PIK3R5: variants seen among roughly 807,000 people sequenced by gnomAD.
PIK3R5 encodes phosphoinositide-3-kinase regulatory subunit 5.
A neutral mutation model predicts 94.9 loss-of-function variants in PIK3R5; 32 were observed. The ratio of observed to expected loss-of-function variants is 0.34; its 90% CI spans 0.25 to 0.45. The LOEUF (loss-of-function observed/expected upper bound fraction) is 0.45. Among genes scored for constraint, PIK3R5 ranks in the 20% least tolerant of loss-of-function variants. The pLI is 1.00. For synonymous variants in PIK3R5, 443 were observed against 479.4 expected (o/e 0.92, Z 0.99); for missense variants, 853 against 1,144.6 (o/e 0.75, Z 3.68).
rs895564154 is a variant in PIK3R5, at chr17:8,904,015, C to T, written c.412+762G>A. On this transcript the variant is annotated intron_variant, in intron 5 of 18. Transcript: ENST00000447110. The surrounding 1 kb of genome is among the most constrained non-coding windows in gnomAD (Gnocchi z 5.1). The stretch of plus-strand genomic sequence containing the variant: ...TTGGGCTGTTGCCATATTAAAAGCA[C>T]TTCTAGAGTAATCGTTTCCATATAT... Among the ~76,000 whole-genome samples, 2 of 152,200 alleles carry T rather than the reference C, an allele frequency of 1.3e-5. No individual in the cohort carries two copies. Among genetic ancestry groups the T allele is most frequent in the Non-Finnish European group, 2.9e-5 (2 of 68,052 alleles).
At chr17:8,959,968 C>T (rs1410972867) in intron 1 of PIK3R5, among the ~76,000 whole-genome samples, 9 of 152,152 alleles carry the variant, frequency 5.9e-5, no homozygotes, top group East Asian at 3.8e-4. Flanking sequence ...GAGCGGGACA[C>T]GCTATCTGGT....
At chr17:8,934,773 T>C (rs796802987) in intron 1 of PIK3R5, among the ~76,000 whole-genome samples, 65 of 146,366 alleles carry the variant, frequency 4.4e-4, no homozygotes, top group African/African-American at 1.4e-3. Context: ...ATAGTATACA[T>C]GTTGTTCTAT....
Position 8,888,391 on chromosome 17 carries a change from G to C in PIK3R5, c.1396C>G (p.Pro466Ala). 6.3e-7 allele frequency: 1 copy of C among 1,598,078 alleles called. No homozygotes were observed. Among genetic ancestry groups the C allele is most frequent in the Non-Finnish European group, 8.5e-7 (1 of 1,174,726 alleles). The change falls in exon 10 of 19, where the codon CCA becomes GCA. Residue 466 changes from proline to alanine, a missense_variant. Pro to Ala is a conservative substitution (Grantham distance 27, BLOSUM62 -1). This residue lies in a region of PIK3R5 where 319 missense variants were observed against 339.8 expected (regional missense o/e 0.94). Coordinates refer to ENST00000447110, the MANE Select transcript of PIK3R5 (RefSeq NM_001142633.3). This position sits in a 1 kb window ranked among gnomAD's most constrained non-coding sequence, Gnocchi z 7.8. ...TGGGCCCGGGAAGGGGGTGATACTG[G>C]TTCGTCCAGGGGGCTGCAGAGGCTC... Reference protein sequence around the residue: ...AGSLCSPLDEPVSPPSRAQRS... With the variant: ...AGSLCSPLDEAVSPPSRAQRS...
chr17:8,909,249 G>A lies in PIK3R5; in HGVS notation c.104-75C>T. ...CACTCAGGCAGGGGCTGTAAAGAAGGGGCATTTATGCTGGAACATTTTTCT... is the reference window on the plus strand; with the variant it reads ...CACTCAGGCAGGGGCTGTAAAGAAGAGGCATTTATGCTGGAACATTTTTCT... On this transcript the variant is annotated intron_variant, in intron 2 of 18. Transcript: ENST00000447110. The surrounding 1 kb of genome is among the most constrained non-coding windows in gnomAD (Gnocchi z 4.3). 1 of 833,794 alleles carries A rather than the reference G, an allele frequency of 1.2e-6. No homozygotes were observed. The highest frequency in any genetic ancestry group is 2.0e-6 in the Non-Finnish European group (1 of 508,846). 51.6% of individuals were successfully genotyped at this position (833,794 alleles called of 1,614,324 possible).
At chr17:8,965,359 T>C (rs1257020693) in intron 1 of PIK3R5, among the ~76,000 whole-genome samples, 1 of 152,142 alleles carries the variant, frequency 6.6e-6, no homozygotes, top group Non-Finnish European at 1.5e-5. Context: ...TAACGATAAG[T>C]GGTCCCCGCG....
intron 1 of PIK3R5, among the ~76,000 whole-genome samples, chr17:8,954,413 G>A (rs1291439650): frequency 6.6e-6 from 1 of 152,226 alleles, no homozygotes; most frequent in Non-Finnish European, 1.5e-5. Flanking sequence ...TACTCCCTCT[G>A]AAAACACAGC....
chr17:8,914,748 G>A (rs1268608713), intron 1 of PIK3R5, among the ~76,000 whole-genome samples: 1 of 152,240 alleles, frequency 6.6e-6, no homozygotes, highest in Non-Finnish European at 1.5e-5. Flanking sequence ...GGCAGAGGGG[G>A]CATCTTGCAG....
chr17:8,963,628 C>G (rs1331295125), intron 1 of PIK3R5, among the ~76,000 whole-genome samples: 2 of 151,916 alleles, frequency 1.3e-5, no homozygotes, highest in African/African-American at 4.8e-5. Context: ...GCCTCGAACT[C>G]CTGGGGTCAA....
At chr17:8,900,284 C>T (rs764535304) in intron 5 of PIK3R5, among the ~76,000 whole-genome samples, 5 of 152,184 alleles carry the variant, frequency 3.3e-5, no homozygotes, top group Non-Finnish European at 5.9e-5. Context: ...CTTACTCTAG[C>T]TTCCATGAGG....
Position 8,881,064 on chromosome 17 carries a change from C to T in PIK3R5, c.2383-47G>A, listed in dbSNP as rs1327519880. 7.3e-7 allele frequency: 1 copy of T among 1,362,594 alleles called. No homozygotes were observed. Among genetic ancestry groups the T allele is most frequent in the Non-Finnish European group, 1.1e-6 (1 of 950,264 alleles). The allele number at this position is 1,362,594 out of a possible 1,614,324, so 84.4% of individuals were successfully genotyped here. A position where few individuals can be genotyped will look rare whatever the true frequency, so the allele number is the denominator to read the frequency against. ...GCCCCAAATCCCTGGCCATCCAACACTGCCAGCCCCTGGCAGTTCCTTTTC... is the reference window on the plus strand; with the variant it reads ...GCCCCAAATCCCTGGCCATCCAACATTGCCAGCCCCTGGCAGTTCCTTTTC... On this transcript the variant is annotated intron_variant, in intron 17 of 18. Transcript: ENST00000447110. This position sits in a 1 kb window ranked among gnomAD's most constrained non-coding sequence, Gnocchi z 4.8.
intron 5 of PIK3R5, among the ~76,000 whole-genome samples, chr17:8,903,691 T>C (rs548626642): frequency 2.6e-5 from 4 of 152,106 alleles, no homozygotes; most frequent in African/African-American, 9.6e-5. Flanking sequence ...TATTAAAATT[T>C]CTTTTATTTT....
At chr17:8,883,970 A>G (rs1030830991) in intron 15 of PIK3R5, among the ~76,000 whole-genome samples, 25 of 152,012 alleles carry the variant, frequency 1.6e-4, no homozygotes, top group African/African-American at 5.6e-4. Flanking sequence ...CCCCAACACC[A>G]CCGTCCATCT....
chr17:8,886,103 G>A, intron 14 of PIK3R5, 126 bp downstream of exon 14: 2 of 708,152 alleles, frequency 2.8e-6, no homozygotes, highest in Non-Finnish European at 4.9e-6. Context: ...CTCCCCAGGG[G>A]CCTACCTCCT....
intron 1 of PIK3R5, among the ~76,000 whole-genome samples, chr17:8,938,140 A>G (rs2091110456): frequency 6.6e-6 from 1 of 152,154 alleles, no homozygotes; most frequent in African/African-American, 2.4e-5. Context: ...GGTAGAATTC[A>G]CCAGTGAAAC....
chr17:8,894,656 T>G (rs958477438), intron 5 of PIK3R5, among the ~76,000 whole-genome samples: 23 of 152,308 alleles, frequency 1.5e-4, no homozygotes, highest in African/African-American at 5.5e-4. Context: ...CGCTTTACAG[T>G]GTGCATTCAG....
Position 8,947,642 on chromosome 17 carries a change from A to C in PIK3R5, c.-14+17954T>G, listed in dbSNP as rs193249035. On this transcript the variant is annotated intron_variant, in intron 1 of 18. Coordinates refer to ENST00000447110, the MANE Select transcript of PIK3R5 (RefSeq NM_001142633.3). ...AAGGGAGAAAAGAGGCGGAAATGTG[A>C]AGGAGCCAGTGTGACTTCCTGGGGC... 2.0e-5 allele frequency among the ~76,000 whole-genome samples: 3 copies of C among 152,302 alleles called. No homozygotes were observed. In the East Asian group the frequency reaches 5.8e-4, roughly 29 times the overall value.
rs2089625687 is a variant in PIK3R5, at chr17:8,880,449, T to G, written c.*190A>C. 9.3e-6 allele frequency: 5 copies of G among 535,532 alleles called. No individual in the cohort carries two copies. In the East Asian group the frequency reaches 1.5e-4, roughly 16 times the overall value. The allele number at this position is 535,532 out of a possible 1,614,324, so 33.2% of individuals were successfully genotyped here. Reference sequence around the variant, plus strand: ...TGGGGTCTGGCCCTTCTCTCTCTGATAGCTGTTGCTTTCCCAGAACCCTGA... The same window carrying G: ...TGGGGTCTGGCCCTTCTCTCTCTGAGAGCTGTTGCTTTCCCAGAACCCTGA... On this transcript the variant is annotated 3_prime_UTR_variant, in exon 19 of 19. Coordinates refer to ENST00000447110, the MANE Select transcript of PIK3R5 (RefSeq NM_001142633.3).
chr17:8,894,917 TAGAA>T (rs1320800232), intron 5 of PIK3R5, among the ~76,000 whole-genome samples: 11 of 152,062 alleles, frequency 7.2e-5, no homozygotes, highest in Admixed American at 4.6e-4. Flanking sequence ...CAGCTATAAA[TAGAA>T]AGGCTGTGAG....
chr17:8,938,115 T>C (rs1279669467), intron 1 of PIK3R5, among the ~76,000 whole-genome samples: 1 of 152,218 alleles, frequency 6.6e-6, no homozygotes, highest in Non-Finnish European at 1.5e-5. Context: ...CCGGCCATTT[T>C]TTCTTTAAAT....
Sources: allele counts gnomAD v4.1 joint callset (sites outside exome capture counted in the v4.1 genomes callset), GRCh38; gene constraint gnomAD v4.1.1; regional missense constraint gnomAD v4.1.1; non-coding constraint Gnocchi (gnomAD v3.1); transcripts MANE v1.5; gene names NCBI Gene and HGNC (gene_info 2026-07-23, HGNC 2026-07-21).